The following PTCHD1 variants were observed in gnomAD, a reference collection of about 807,000 sequenced individuals.
The protein encoded by PTCHD1 is patched domain containing 1.
A neutral mutation model predicts 34.6 loss-of-function variants in PTCHD1; 3 were observed. The observed-to-expected ratio is 0.09, with a 90% CI of 0.04 to 0.22. PTCHD1 has a LOEUF of 0.22. PTCHD1 is among the 10% of genes least tolerant of loss of function. The pLI, the probability that PTCHD1 is intolerant of heterozygous loss-of-function variation, is 1.00. For missense variants in PTCHD1, 504 were observed against 685.5 expected (o/e 0.74, Z 2.96); for synonymous variants, 305 against 283.1 (o/e 1.08, Z -0.77).
At chrX:23,362,842 G>C (rs1466900809) in intron 1 of PTCHD1, among the ~76,000 whole-genome samples, 2 of 112,477 alleles carry the variant, frequency 1.8e-5, no homozygotes, top group Non-Finnish European at 3.8e-5. Context: ...TGATTTTGAT[G>C]TTATTCCTTT....
chrX:23,393,511 T>C lies in PTCHD1; in HGVS notation c.1993T>C (p.Leu665=). Residue 665 remains leucine, a synonymous_variant, in exon 3 of 3, where the codon TTG becomes CTG. Transcript: ENST00000379361. ...AAACAGAGAAGAACTCTATGATCTCTTGGAAACCCTGAGGAGACTTTCTGT... is the reference window on the plus strand; with the variant it reads ...AAACAGAGAAGAACTCTATGATCTCCTGGAAACCCTGAGGAGACTTTCTGT... The part of the protein sequence containing the change: ...ETNREELYDL[L]ETLRRLSVTS... 1 of 1,211,386 alleles carries C rather than the reference T, an allele frequency of 8.3e-7. No individual in the cohort carries two copies. The highest frequency in any genetic ancestry group is 1.1e-6 in the Non-Finnish European group (1 of 894,997).
chrX:23,368,955 T>G (rs1227279885), intron 1 of PTCHD1, among the ~76,000 whole-genome samples: 1 of 110,589 alleles, frequency 9.0e-6, no homozygotes, highest in Non-Finnish European at 1.9e-5. Context: ...TTCCAGCTAC[T>G]CGGGAGGCTG....
rs759073540 is a variant in PTCHD1 at position 23,351,200 on chromosome X, C to T, written c.351+15974C>T. ...CCATCTGTTGCTCAGATTGGAATTT[C>T]GGTGGAATCACTGGACAGTATGGCT... is the stretch of plus-strand genomic sequence containing the variant. On this transcript the variant is annotated intron_variant, in intron 1 of 2. Transcript: ENST00000379361. 1.2e-5 allele frequency: 8 copies of T among 685,400 alleles called. No homozygotes were observed. The East Asian group carries it at 1.3e-4, about 11-fold the overall frequency. The allele number at this position is 685,400 out of a possible 1,213,427, so 56.5% of individuals were successfully genotyped here. A position where few individuals can be genotyped will look rare whatever the true frequency, so the allele number is the denominator to read the frequency against.
intron 1 of PTCHD1, 84 bp downstream of exon 1, chrX:23,335,310 C>T (rs1296548206): frequency 1.3e-6 from 1 of 795,362 alleles, no homozygotes; most frequent in Non-Finnish European, 1.9e-6. Context: ...CGGCTGAGAG[C>T]GCCACCTCTC....
chrX:23,374,911 T>TA (rs1056109699), intron 1 of PTCHD1, among the ~76,000 whole-genome samples: 2 of 111,625 alleles, frequency 1.8e-5, no homozygotes, highest in African/African-American at 6.5e-5. Flanking sequence ...GTTTCAGACT[T>TA]AAAGAAGCAG....
At chrX:23,348,262 T>G (rs1429998930) in intron 1 of PTCHD1, among the ~76,000 whole-genome samples, 1 of 73,376 alleles carries the variant, frequency 1.4e-5, no homozygotes, top group African/African-American at 6.6e-5. Flanking sequence ...CACAAAGAGT[T>G]AAAAGAGAAA....
chrX:23,377,235 A>G (rs1601913393), intron 1 of PTCHD1, among the ~76,000 whole-genome samples: 1 of 112,455 alleles, frequency 8.9e-6, no homozygotes, highest in Non-Finnish European at 1.9e-5. Context: ...GGAACAAACA[A>G]TGCACTAAAT....
In PTCHD1 at chrX:23,387,358, T is replaced by C. The variant is rs763275582; in HGVS notation, c.1013-5173T>C. Among the ~76,000 whole-genome samples, 3 of 111,158 alleles carry C rather than the reference T, an allele frequency of 2.7e-5. No individual in the cohort carries two copies. The Admixed American group carries it at 2.9e-4, about 11-fold the overall frequency. ...ATTAATCTCTGAGGGTGCTTGATAG[T>C]CACCCTCAGTGATGGGAGGATTAGC... is the stretch of plus-strand genomic sequence containing the variant. On this transcript the variant is annotated intron_variant, in intron 2 of 2. Transcript: ENST00000379361.
chrX:23,392,344 A>C (rs1266025850), intron 2 of PTCHD1, among the ~76,000 whole-genome samples, 187 bp from the exon 3 acceptor site: 1 of 110,972 alleles, frequency 9.0e-6, no homozygotes, highest in Non-Finnish European at 1.9e-5. Context: ...GTTATCCATT[A>C]ACATTTACGA....
intron 1 of PTCHD1, among the ~76,000 whole-genome samples, chrX:23,365,163 T>A (rs1252885781): frequency 8.9e-6 from 1 of 111,837 alleles, no homozygotes; most frequent in Admixed American, 9.5e-5. Flanking sequence ...CTTGGAGAAA[T>A]ATTTATTGCA....
chrX:23,339,753 G>A (rs753721352), intron 1 of PTCHD1, among the ~76,000 whole-genome samples: 27 of 112,201 alleles, frequency 2.4e-4, no homozygotes, highest in Admixed American at 6.6e-4. Context: ...AGTTTTTAAC[G>A]TAGACTGAGT....
chrX:23,392,092 G>C (rs68116409), intron 2 of PTCHD1, among the ~76,000 whole-genome samples: 666 of 6,025 alleles, frequency 0.11, 12 homozygotes, highest in African/African-American at 0.46. Flanking sequence ...TTTTTTTTTT[G>C]AGAGATGAGG....
intron 1 of PTCHD1, among the ~76,000 whole-genome samples, chrX:23,375,206 G>T: frequency 9.0e-6 from 1 of 110,968 alleles, no homozygotes; most frequent in Non-Finnish European, 1.9e-5. Context: ...TCTCTTATTG[G>T]ACCCCAGATC....
chrX:23,367,710 G>A (rs957519575), intron 1 of PTCHD1, among the ~76,000 whole-genome samples: 19 of 111,539 alleles, frequency 1.7e-4, no homozygotes, highest in Non-Finnish European at 3.4e-4. Flanking sequence ...AGTGATTACA[G>A]ACAAGAGGAG....
chrX:23,375,493 G>GTTTTAGCCGGGA (rs1555911790), intron 1 of PTCHD1, among the ~76,000 whole-genome samples: 2 of 110,167 alleles, frequency 1.8e-5, no homozygotes, highest in Non-Finnish European at 3.8e-5. Flanking sequence ...GGGTTTCACC[G>GTTTTAGCCGGGA]TGGTCTCGAT....
At position 23,335,178 on chromosome X, in the gene PTCHD1, C is replaced by T; in HGVS notation, c.303C>T (p.Phe101=). The change falls in exon 1 of 3, where the codon TTC becomes TTT. Residue 101 remains phenylalanine (F), a synonymous_variant. Transcript: ENST00000379361. The part of the protein sequence containing the change: ...GRYGRVIVTS[F]QKANMLDQHH... ...ACGGCCGGGTCATCGTCACCTCCTT[C>T]CAGAAAGCCAACATGCTGGACCAGC... The T allele has an allele frequency of 8.3e-7, 1 of 1,211,949 alleles. No individual in the cohort carries two copies.
At chrX:23,382,874 T>C (rs959567289) in intron 2 of PTCHD1, among the ~76,000 whole-genome samples, 2 of 112,600 alleles carry the variant, frequency 1.8e-5, no homozygotes, top group Non-Finnish European at 3.8e-5. Flanking sequence ...CACGATGTAA[T>C]GGGTGCTTAA....
rs1480789403 is a variant in PTCHD1, at chrX:23,379,786, G to A, written c.547G>A (p.Gly183Arg). The change falls in exon 2 of 3, where the codon GGG becomes AGG. Residue 183 changes from glycine to arginine, a missense_variant. Gly to Arg is a moderately radical substitution (Grantham distance 125, BLOSUM62 -2). Coordinates refer to ENST00000379361, the MANE Select transcript of PTCHD1 (RefSeq NM_173495.3). ...ATACCCAATCACTCACTTAAAGGAC[G>A]GGAGGGCTGTGTACAATGGGCACCA... is the stretch of plus-strand genomic sequence containing the variant. ...ITYPITHLKD[G>R]RAVYNGHQLG... is the part of the protein sequence containing the mutation. 1.7e-6 allele frequency: 2 copies of A among 1,209,253 alleles called. No homozygotes were observed. Among genetic ancestry groups the A allele is most frequent in the Non-Finnish European group, 2.2e-6 (2 of 895,093 alleles).
chrX:23,334,802 C>G, upstream of PTCHD1: 2 of 609,381 alleles, frequency 3.3e-6, no homozygotes, highest in Non-Finnish European at 4.0e-6. Flanking sequence ...CCGCCGCCGC[C>G]GCCGCCGCCG....
Sources: gnomAD v4.1 joint callset for allele counts (sites outside exome capture counted in the v4.1 genomes callset) on GRCh38, gnomAD v4.1.1 for gene constraint, MANE v1.5 for transcripts, NCBI Gene and HGNC (gene_info 2026-07-23, HGNC 2026-07-21) for gene names.